Variants in MSRA observed in about 807,000 individuals in gnomAD.
The protein encoded by MSRA is mitochondrial peptide methionine sulfoxide reductase.
Under a neutral mutation model 31.3 loss-of-function variants are expected in MSRA, and 54 were observed. The observed-to-expected ratio is 1.73, with a 90% CI of 1.39 to 2.17. MSRA has a LOEUF of 2.17. MSRA is among the 30% of genes most tolerant of loss of function. MSRA has a pLI of 0.00. For synonymous variants in MSRA, 169 were observed against 116.5 expected (o/e 1.45, Z -2.90); for missense variants, 507 against 300.9 (o/e 1.69, Z -5.07).
At chr8:10,427,215 G>T (rs1459780641) in intron 5 of MSRA, among the ~76,000 whole-genome samples, 1 of 152,202 alleles carries the variant, frequency 6.6e-6, no homozygotes, top group Non-Finnish European at 1.5e-5. Flanking sequence ...GTGAGAGTGG[G>T]TTGAGCCTCT....
chr8:10,146,107 TCCAGGAGTGTGTGGTTTGGA>T (rs1390672499), intron 1 of MSRA, among the ~76,000 whole-genome samples: 1 of 152,146 alleles, frequency 6.6e-6, no homozygotes, highest in African/African-American at 2.4e-5. Context: ...GTTCCTGCTG[TCCAGGAGTGTGTGGTTTGGA>T]CCAGAACAAA....
chr8:10,394,220 C>T (rs541901889), intron 5 of MSRA, among the ~76,000 whole-genome samples: 24 of 152,230 alleles, frequency 1.6e-4, no homozygotes, highest in African/African-American at 1.4e-4. Flanking sequence ...TTTATTGTAG[C>T]GAAACCAAAG....
intron 2 of MSRA, among the ~76,000 whole-genome samples, chr8:10,210,656 A>C (rs1000013843): frequency 6.6e-6 from 1 of 152,150 alleles, no homozygotes. Flanking sequence ...CAGTGATGGC[A>C]CTTGTAATTG....
At position 10,176,997 on chromosome 8, in the gene MSRA, G is replaced by A. The variant is rs1328574496; in HGVS notation, c.143-30836G>A. 2.0e-5 allele frequency among the ~76,000 whole-genome samples: 3 copies of A among 152,328 alleles called. No individual in the cohort carries two copies. The East Asian group carries it at 5.8e-4, about 29-fold the overall frequency. ...AACCTCACCCAGTTTCATAAATGAAGCAGGTTCATGATGGAGCTCCTGTTT... is the reference window on the plus strand; with the variant it reads ...AACCTCACCCAGTTTCATAAATGAAACAGGTTCATGATGGAGCTCCTGTTT... On this transcript the variant is annotated intron_variant, in intron 1 of 5. Coordinates refer to ENST00000317173, the MANE Select transcript of MSRA (RefSeq NM_012331.5).
intron 5 of MSRA, among the ~76,000 whole-genome samples, chr8:10,370,970 G>A (rs901453148): frequency 3.3e-5 from 5 of 152,196 alleles, no homozygotes; most frequent in Admixed American, 1.3e-4. Flanking sequence ...CGTGTCTGAA[G>A]TGTGATCCAA....
chr8:10,233,746 C>T (rs576497841), intron 2 of MSRA, among the ~76,000 whole-genome samples: 3 of 151,970 alleles, frequency 2.0e-5, no homozygotes, highest in African/African-American at 4.8e-5. Flanking sequence ...AATAGAATTG[C>T]GAGAATAGTG....
intron 1 of MSRA, among the ~76,000 whole-genome samples, chr8:10,140,991 G>C (rs1382910775): frequency 1.3e-5 from 2 of 152,172 alleles, no homozygotes; most frequent in East Asian, 3.9e-4. Flanking sequence ...CAGGCAAACG[G>C]AAGTCCTTTT....
chr8:10,087,896 C>CAT (rs1798650381), intron 1 of MSRA, among the ~76,000 whole-genome samples: 2 of 152,192 alleles, frequency 1.3e-5, no homozygotes, highest in African/African-American at 4.8e-5. Flanking sequence ...AAACCTCATA[C>CAT]ATATAAATCA....
chr8:10,111,533 G>T lies in MSRA; in HGVS notation c.142+56875G>T, dbSNP rs187342722. ...CAGTAAGGGAATTATCATAGGGAGG[G>T]ACCATCAGACAGGCCTTTTTGGGGA... On this transcript the variant is annotated intron_variant, in intron 1 of 5. Transcript: ENST00000317173. Among the ~76,000 whole-genome samples, 149 of 152,266 alleles carry T rather than the reference G, an allele frequency of 9.8e-4. 1 individual carries two copies. Among genetic ancestry groups the T allele is most frequent in the African/African-American group, 3.3e-3 (135 of 41,538 alleles).
intron 5 of MSRA, among the ~76,000 whole-genome samples, chr8:10,374,162 C>T (rs1805628912): frequency 6.6e-6 from 1 of 152,180 alleles, no homozygotes; most frequent in African/African-American, 2.4e-5. Context: ...GGCCAAATTC[C>T]TACGATCCGT....
At chr8:10,395,733 C>T (rs1177426964) in intron 5 of MSRA, among the ~76,000 whole-genome samples, 1 of 152,190 alleles carries the variant, frequency 6.6e-6, no homozygotes, top group African/African-American at 2.4e-5. Flanking sequence ...AAGTACCTTT[C>T]AGCACCAGAC....
chr8:10,073,583 A>G (rs966666461), intron 1 of MSRA, among the ~76,000 whole-genome samples: 14 of 151,402 alleles, frequency 9.2e-5, no homozygotes, highest in Non-Finnish European at 1.8e-4. Flanking sequence ...AGTTCTTCCT[A>G]TCTCTTGATA....
chr8:10,232,599 G>C (rs1811588157), intron 2 of MSRA, among the ~76,000 whole-genome samples: 1 of 152,164 alleles, frequency 6.6e-6, no homozygotes, highest in Non-Finnish European at 1.5e-5. Context: ...GTGTCAATGT[G>C]TTTGGAAAAG....
intron 4 of MSRA, among the ~76,000 whole-genome samples, chr8:10,316,839 A>G (rs1395486827): frequency 6.6e-6 from 1 of 152,108 alleles, no homozygotes; most frequent in African/African-American, 2.4e-5. Flanking sequence ...TCATCCACCT[A>G]GGGGAGGACT....
At chr8:10,363,286 C>T (rs1285551435) in intron 5 of MSRA, among the ~76,000 whole-genome samples, 2 of 152,162 alleles carry the variant, frequency 1.3e-5, no homozygotes, top group Admixed American at 6.5e-5. Flanking sequence ...GGGAATATGG[C>T]CATGTCAGGC....
At chr8:10,123,511 C>G (rs896228264) in intron 1 of MSRA, among the ~76,000 whole-genome samples, 6 of 152,156 alleles carry the variant, frequency 3.9e-5, no homozygotes, top group African/African-American at 1.4e-4. Flanking sequence ...TGCAGAAGCT[C>G]TTTAGTTTAA....
chr8:10,280,415 T>C (rs1171384594), intron 3 of MSRA, among the ~76,000 whole-genome samples: 1 of 152,208 alleles, frequency 6.6e-6, no homozygotes, highest in Non-Finnish European at 1.5e-5. Context: ...GTTTTGATAG[T>C]AGCAGCTCCA....
intron 1 of MSRA, among the ~76,000 whole-genome samples, chr8:10,169,034 C>G (rs571269155): frequency 2.4e-4 from 36 of 152,294 alleles, no homozygotes; most frequent in South Asian, 1.4e-3. Context: ...CTTTTGCATT[C>G]GTATGATTTT....
intron 5 of MSRA, among the ~76,000 whole-genome samples, chr8:10,409,100 G>A (rs140293322): frequency 5.3e-4 from 80 of 152,298 alleles, no homozygotes; most frequent in African/African-American, 1.9e-3. Flanking sequence ...GGGATTGCTG[G>A]ATTGAATGGC....
Sources: gnomAD v4.1 joint callset for allele counts (sites outside exome capture counted in the v4.1 genomes callset) on GRCh38, gnomAD v4.1.1 for gene constraint, MANE v1.5 for transcripts, NCBI Gene and HGNC (gene_info 2026-07-23, HGNC 2026-07-21) for gene names.